Variants in ZKSCAN1 observed in about 807,000 individuals in gnomAD.
The protein encoded by ZKSCAN1 is zinc finger with KRAB and SCAN domains 1, also known as zinc finger protein with KRAB and SCAN domains 1.
Under a neutral mutation model 51.6 loss-of-function variants are expected in ZKSCAN1, and 14 were observed. The ratio of observed to expected loss-of-function variants is 0.27; its 90% CI spans 0.18 to 0.42. The LOEUF (loss-of-function observed/expected upper bound fraction) is 0.42, where lower values mean the gene tolerates loss of function less well. Ranked by LOEUF, ZKSCAN1 falls within the 10% of genes least tolerant of loss-of-function variation. The pLI is 1.00. For synonymous variants in ZKSCAN1, 263 were observed against 261.5 expected, an observed-to-expected ratio of 1.01 and a Z score of -0.06; for missense variants, 531 against 710.0, an observed-to-expected ratio of 0.75 and a Z score of 2.86.
chr7:100,023,490 C>A lies in ZKSCAN1; in HGVS notation c.-17C>A. The A allele has an allele frequency of 1.3e-6, 2 of 1,598,618 alleles. No individual in the cohort carries two copies. The highest frequency in any genetic ancestry group is 8.5e-7 in the Non-Finnish European group (1 of 1,173,244). On this transcript the variant is annotated 5_prime_UTR_variant, in exon 2 of 6. Transcript: ENST00000324306. ...AGCACAGACCCTGTTTGGATCAAGT[C>A]AGTTCCTGGAGCCTGAATGATGACT...
chr7:100,018,029 T>G (rs1229401633), intron 1 of ZKSCAN1, among the ~76,000 whole-genome samples: 1 of 152,232 alleles, frequency 6.6e-6, no homozygotes. Context: ...ATCTATTACC[T>G]CATTTAATCC....
At chr7:100,026,826 A>G (rs1243014302) in intron 3 of ZKSCAN1, among the ~76,000 whole-genome samples, 5 of 152,142 alleles carry the variant, frequency 3.3e-5, no homozygotes, top group South Asian at 2.1e-4. Flanking sequence ...GACTGTTGTA[A>G]TAACATAACT....
At position 100,034,001 on chromosome 7, in the gene ZKSCAN1, A is replaced by G; in HGVS notation, c.1496A>G (p.Asn499Ser). Residue 499 changes from asparagine (N) to serine (S), a missense_variant, in exon 6 of 6, where the codon AAC (asparagine) becomes AGC (serine). By Grantham distance (46) the Asn-to-Ser change is conservative. This residue lies in a region of ZKSCAN1 where 128 missense variants were observed against 219.5 expected (regional missense o/e 0.58). Coordinates refer to ENST00000324306, the MANE Select transcript of ZKSCAN1 (RefSeq NM_003439.4). Reference sequence around the variant, plus strand: ...TGTAGTGAATGTGGAAAAGCTTTCAACCGAAACTCATACCTGATTTTGCAT... The same window carrying G: ...TGTAGTGAATGTGGAAAAGCTTTCAGCCGAAACTCATACCTGATTTTGCAT... ...YECSECGKAFNRNSYLILHRR... is the reference protein window; with the variant it reads ...YECSECGKAFSRNSYLILHRR... 1 of 1,614,112 alleles carries G rather than the reference A, an allele frequency of 6.2e-7. No homozygotes were observed. Among genetic ancestry groups the G allele is most frequent in the Non-Finnish European group, 8.5e-7 (1 of 1,180,010 alleles).
chr7:100,018,009 A>G (rs1790441876), intron 1 of ZKSCAN1, among the ~76,000 whole-genome samples: 1 of 152,248 alleles, frequency 6.6e-6, no homozygotes, highest in African/African-American at 2.4e-5. Context: ...CACTATTTTA[A>G]GTGCTTTATA....
At chr7:100,043,959 T>A (rs1791661272), downstream of ZKSCAN1, among the ~76,000 whole-genome samples, 1 of 150,642 alleles carries the variant, frequency 6.6e-6, no homozygotes, top group Non-Finnish European at 1.5e-5. Flanking sequence ...GTATTTTTTT[T>A]AGAGACGGGG....
rs1354100872 is a variant in ZKSCAN1 at position 100,039,714 on chromosome 7, G to GT, written c.*5518dup. ...AACAGAACTGAAATACACTTAAACA[G>GT]TGACAGCAGTACTTCCCAGGGTGGG... On this transcript the variant is annotated 3_prime_UTR_variant, in exon 6 of 6. Transcript: ENST00000324306. 4.1e-6 allele frequency: 4 copies of GT among 985,294 alleles called. No individual in the cohort carries two copies. The highest frequency in any genetic ancestry group is 4.8e-6 in the Non-Finnish European group (4 of 829,964). 61.0% of individuals were successfully genotyped at this position (985,294 alleles called of 1,614,324 possible). A position where few individuals can be genotyped will look rare whatever the true frequency, so the allele number is the denominator to read the frequency against.
intron 3 of ZKSCAN1, among the ~76,000 whole-genome samples, chr7:100,027,660 A>G (rs949481512): frequency 6.7e-5 from 10 of 148,436 alleles, no homozygotes; most frequent in African/African-American, 2.5e-4. Context: ...AGGCAGGAGA[A>G]TGGCGTGAAC....
At chr7:100,029,749 TA>T in intron 3 of ZKSCAN1, 111 bp from the exon 4 acceptor site, 1 of 1,009,688 alleles carries the variant, frequency 9.9e-7, no homozygotes, top group Non-Finnish European at 1.5e-6. Flanking sequence ...ATTTGGGACC[TA>T]AACACTGAAC....
In ZKSCAN1 at chr7:100,022,992, G is replaced by GT. The variant is rs1790653052; in HGVS notation, c.-88-421dup. Among the ~76,000 whole-genome samples, 3 of 151,972 alleles carry GT rather than the reference G, an allele frequency of 2.0e-5. No individual in the cohort carries two copies. In the South Asian group the frequency reaches 6.2e-4, roughly 31 times the overall value. ...ATGAAGTGACAGTGGAGATTGTACA[G>GT]TTTTTTCCTCGATTTGTCAGGATTT... On this transcript the variant is annotated intron_variant, in intron 1 of 5. Transcript: ENST00000324306.
intron 1 of ZKSCAN1, among the ~76,000 whole-genome samples, chr7:100,016,243 C>T (rs1790358112): frequency 6.6e-6 from 1 of 152,114 alleles, no homozygotes; most frequent in African/African-American, 2.4e-5. Flanking sequence ...CTTCTCCCAC[C>T]CTCATCACTG....
Position 100,036,932 on chromosome 7 carries a change from C to A in ZKSCAN1, c.*2735C>A. 3 of 985,062 alleles carry A rather than the reference C, an allele frequency of 3.0e-6. No homozygotes were observed. The South Asian group carries it at 1.4e-4, about 46-fold the overall frequency. 61.0% of individuals were successfully genotyped at this position (985,062 alleles called of 1,614,324 possible). ...GAAGGTTAAATGTGACCTGTGCCCTCACATTTAATTCCGTTTCATGGAGAC... is the reference window on the plus strand; with the variant it reads ...GAAGGTTAAATGTGACCTGTGCCCTAACATTTAATTCCGTTTCATGGAGAC... On this transcript the variant is annotated 3_prime_UTR_variant, in exon 6 of 6. Coordinates refer to ENST00000324306, the MANE Select transcript of ZKSCAN1 (RefSeq NM_003439.4).
Position 100,039,862 on chromosome 7 carries a change from A to G in ZKSCAN1, c.*5665A>G. 1 of 985,432 alleles carries G rather than the reference A, an allele frequency of 1.0e-6. No individual in the cohort carries two copies. Among genetic ancestry groups the G allele is most frequent in the Non-Finnish European group, 1.2e-6 (1 of 829,898 alleles). The allele number at this position is 985,432 out of a possible 1,614,324, so 61.0% of individuals were successfully genotyped here. On this transcript the variant is annotated 3_prime_UTR_variant, in exon 6 of 6. Transcript: ENST00000324306. Reference sequence around the variant, plus strand: ...GTTAAATGAAATATAGAATCAGAGAAAAAGAAAAGTCAGTGATATAAATAG... The same window carrying G: ...GTTAAATGAAATATAGAATCAGAGAGAAAGAAAAGTCAGTGATATAAATAG...
At chr7:100,027,018 C>G (rs1790866748) in intron 3 of ZKSCAN1, among the ~76,000 whole-genome samples, 1 of 151,962 alleles carries the variant, frequency 6.6e-6, no homozygotes, top group Admixed American at 6.6e-5. Context: ...AAAAAAAGGC[C>G]AGGCGCAGTG....
In ZKSCAN1 at chr7:100,033,362, A is replaced by T. The variant is rs763599259; in HGVS notation, c.857A>T (p.Asp286Val). 3.0e-5 allele frequency: 48 copies of T among 1,614,012 alleles called. No individual in the cohort carries two copies. The highest frequency in any genetic ancestry group is 3.3e-4 in the Middle Eastern group (2 of 6,084). Residue 286 changes from aspartate (D) to valine (V), a missense_variant, in exon 6 of 6, where the codon GAT (aspartate) becomes GTT (valine). Physicochemically the swap from Asp to Val is radical, Grantham distance 152. This residue lies in a region of ZKSCAN1 where 403 missense variants were observed against 490.5 expected (regional missense o/e 0.82). Coordinates refer to ENST00000324306, the MANE Select transcript of ZKSCAN1 (RefSeq NM_003439.4). The surrounding 1 kb of genome is among the most constrained non-coding windows in gnomAD (Gnocchi z 4.1). ...ACCTCAAAGGCTGAAACCTCGGAAG[A>T]TTCAGCATCACGCGGGGAGACAACA... ...ESTSKAETSE[D>V]SASRGETTGR...
At chr7:100,023,386 G>A in intron 1 of ZKSCAN1, 33 bp from the exon 2 acceptor site, 1 of 1,126,894 alleles carries the variant, frequency 8.9e-7, no homozygotes, top group South Asian at 1.5e-5. Flanking sequence ...TTTTGTAAAG[G>A]TACGTACTAA....
chr7:100,021,681 G>C lies in ZKSCAN1; in HGVS notation c.-88-1738G>C, dbSNP rs147332376. ...GCTTCATCTGTGCCATTTTCTTCTTGTTCACATCTGTTTATATTATTAGTG... is the reference window on the plus strand; with the variant it reads ...GCTTCATCTGTGCCATTTTCTTCTTCTTCACATCTGTTTATATTATTAGTG... On this transcript the variant is annotated intron_variant, in intron 1 of 5. Transcript: ENST00000324306. 9.2e-4 allele frequency among the ~76,000 whole-genome samples: 137 copies of C among 149,194 alleles called. No homozygotes were observed. The Middle Eastern group carries it at 0.011, about 12-fold the overall frequency.
At chr7:100,024,446 TAGCC>T in intron 3 of ZKSCAN1, 139 bp downstream of exon 3, 1 of 1,102,328 alleles carries the variant, frequency 9.1e-7, no homozygotes. Flanking sequence ...ATAGAAAAAT[TAGCC>T]AGGTATAGTG....
chr7:100,035,741 T>C lies in ZKSCAN1; in HGVS notation c.*1544T>C, dbSNP rs1424135759. 6 of 656,728 alleles carry C rather than the reference T, an allele frequency of 9.1e-6. No individual in the cohort carries two copies. The highest frequency in any genetic ancestry group is 5.9e-5 in the African/African-American group (3 of 50,848). The allele number at this position is 656,728 out of a possible 1,614,324, so 40.7% of individuals were successfully genotyped here. On this transcript the variant is annotated 3_prime_UTR_variant, in exon 6 of 6. Coordinates refer to ENST00000324306, the MANE Select transcript of ZKSCAN1 (RefSeq NM_003439.4). ...TGCACAGTGACTTTTCTGTTTCTTA[T>C]CACTAAAGACTGAGGTGAGGTTATG...
Position 100,023,718 on chromosome 7 carries a change from G to A in ZKSCAN1, c.212G>A (p.Arg71Gln), listed in dbSNP as rs1355735435. 3.1e-6 allele frequency: 5 copies of A among 1,614,214 alleles called. No homozygotes were observed. Among genetic ancestry groups the A allele is most frequent in the East Asian group, 2.2e-5 (1 of 44,890 alleles). ...TGTTACCAGAACACTTTTGGGCCCCGAGAGGCTCTCAGTCGGCTGAAGGAA... is the reference window on the plus strand; with the variant it reads ...TGTTACCAGAACACTTTTGGGCCCCAAGAGGCTCTCAGTCGGCTGAAGGAA... ...RFCYQNTFGP[R>Q]EALSRLKELC... Residue 71 changes from arginine to glutamine, a missense_variant, in exon 2 of 6, where the codon CGA (arginine) becomes CAA (glutamine). By Grantham distance (43) the Arg-to-Gln change is conservative. Transcript: ENST00000324306.
Sources: allele counts gnomAD v4.1 joint callset (sites outside exome capture counted in the v4.1 genomes callset), GRCh38; gene constraint gnomAD v4.1.1; regional missense constraint gnomAD v4.1.1; non-coding constraint Gnocchi (gnomAD v3.1); transcripts MANE v1.5; gene names NCBI Gene and HGNC (gene_info 2026-07-23, HGNC 2026-07-21).